Variants in LRRC8E observed in about 807,000 individuals in gnomAD.
LRRC8E encodes the protein volume-regulated anion channel subunit LRRC8E.
Under a neutral mutation model 6.1 loss-of-function variants are expected in LRRC8E, and 6 were observed. The ratio of observed to expected loss-of-function variants is 0.98; its 90% CI spans 0.54 to 1.93. The LOEUF is 1.93. Among genes scored for constraint, LRRC8E ranks in the 30% most tolerant of loss-of-function variants. LRRC8E has a pLI of 0.01. For missense variants in LRRC8E, 1,028 were observed against 1,031.4 expected (o/e 1.00, Z 0.04); for synonymous variants, 485 against 472.8 (o/e 1.03, Z -0.33).
intron 2 of LRRC8E, among the ~76,000 whole-genome samples, chr19:7,898,243 G>A (rs972523558): frequency 6.6e-6 from 1 of 150,818 alleles, no homozygotes; most frequent in Non-Finnish European, 1.5e-5. Flanking sequence ...AGTGCTTAGA[G>A]GTTTAGCAAA....
At position 7,901,786 on chromosome 19, in the gene LRRC8E, A is replaced by G. The variant is rs758184711; in HGVS notation, c.*873A>G. ...TTTGAGGTCCTAGACCCTTTGAGAA[A>G]CTGATGAAGCCAGGCACCTCCTTCC... On this transcript the variant is annotated 3_prime_UTR_variant, in exon 3 of 3. Transcript: ENST00000306708. The G allele has an allele frequency of 6.6e-5, 10 of 151,110 alleles. No homozygotes were observed. The highest frequency in any genetic ancestry group is 1.3e-4 in the Non-Finnish European group (9 of 67,998). 9.4% of individuals were successfully genotyped at this position (151,110 alleles called of 1,614,324 possible).
rs550236161 is a variant in LRRC8E, at chr19:7,899,281, C to T, written c.759C>T (p.Thr253=). ...MHVEEGDILY[T]MYIRQTVLKV... is the part of the protein sequence containing the mutation. Reference sequence around the variant, plus strand: ...TGGAAGAGGGCGACATCCTGTACACCATGTACATCCGACAGACGGTGCTGA... The same window carrying T: ...TGGAAGAGGGCGACATCCTGTACACTATGTACATCCGACAGACGGTGCTGA... Residue 253 remains threonine, a synonymous_variant, in exon 3 of 3, where the codon ACC becomes ACT. Transcript: ENST00000306708. 4 of 1,614,200 alleles carry T rather than the reference C, an allele frequency of 2.5e-6. No homozygotes were observed. The highest frequency in any genetic ancestry group is 1.1e-5 in the South Asian group (1 of 91,088).
chr19:7,898,417 T>C (rs971129108), intron 2 of LRRC8E, among the ~76,000 whole-genome samples: 1 of 151,858 alleles, frequency 6.6e-6, no homozygotes, highest in Non-Finnish European at 1.5e-5. Flanking sequence ...TGGAGTACAA[T>C]GGCGCGATCT....
rs761641520 is a variant in LRRC8E, at chr19:7,899,734, C to T, written c.1212C>T (p.Pro404=). ...KQLNLNHEWT[P]EKLRQKLQRN... is the part of the protein sequence containing the mutation. Reference sequence around the variant, plus strand: ...TCAATCTCAACCACGAGTGGACGCCCGAGAAGCTTCGACAGAAGCTGCAGC... The same window carrying T: ...TCAATCTCAACCACGAGTGGACGCCTGAGAAGCTTCGACAGAAGCTGCAGC... The change falls in exon 3 of 3, where the codon CCC becomes CCT. Residue 404 remains proline, a synonymous_variant. Transcript: ENST00000306708. The T allele has an allele frequency of 7.4e-6, 12 of 1,612,412 alleles. No individual in the cohort carries two copies. Among genetic ancestry groups the T allele is most frequent in the Admixed American group, 1.7e-5 (1 of 60,022 alleles).
intron 2 of LRRC8E, among the ~76,000 whole-genome samples, chr19:7,898,459 A>C: frequency 6.6e-6 from 1 of 152,022 alleles, no homozygotes; most frequent in African/African-American, 2.4e-5. Flanking sequence ...TTCCGGGTTC[A>C]AGCGATTCTC....
rs1982025486 is a variant in LRRC8E at position 7,901,680 on chromosome 19, C to T, written c.*767C>T. On this transcript the variant is annotated 3_prime_UTR_variant, in exon 3 of 3. Transcript: ENST00000306708. ...ATGGTTGAGCTCAGGAGTTCGAGAT[C>T]AGCCTGGGTAACATAGCGAGACCCC... 1 of 149,938 alleles carries T rather than the reference C, an allele frequency of 6.7e-6. No homozygotes were observed. The highest frequency in any genetic ancestry group is 1.5e-5 in the Non-Finnish European group (1 of 67,820). The allele number at this position is 149,938 out of a possible 1,614,324, so 9.3% of individuals were successfully genotyped here. A position where few individuals can be genotyped will look rare whatever the true frequency, so the allele number is the denominator to read the frequency against.
chr19:7,900,727 C>A lies in LRRC8E; in HGVS notation c.2205C>A (p.Ser735Arg). Residue 735 changes from serine to arginine, a missense_variant, in exon 3 of 3, where the codon AGC becomes AGA. Coordinates refer to ENST00000306708, the MANE Select transcript of LRRC8E (RefSeq NM_025061.6). This position sits in a 1 kb window ranked among gnomAD's most constrained non-coding sequence, Gnocchi z 5.0. Reference sequence around the variant, plus strand: ...TGCTTCTGGGCGACAACCAGCTGAGCCAGCTCTCGCCCCACGTGGGTGCCC... The same window carrying A: ...TGCTTCTGGGCGACAACCAGCTGAGACAGCTCTCGCCCCACGTGGGTGCCC... ...RTLLLGDNQL[S>R]QLSPHVGALR... 1 of 1,613,030 alleles carries A rather than the reference C, an allele frequency of 6.2e-7. No individual in the cohort carries two copies. Among genetic ancestry groups the A allele is most frequent in the Non-Finnish European group, 8.5e-7 (1 of 1,179,834 alleles).
In LRRC8E at chr19:7,899,504, A is replaced by G; in HGVS notation, c.982A>G (p.Ile328Val). The G allele has an allele frequency of 6.2e-7, 1 of 1,614,074 alleles. No individual in the cohort carries two copies. Among genetic ancestry groups the G allele is most frequent in the Middle Eastern group, 1.7e-4 (1 of 6,060 alleles). ...TGTGTGCATCTACGGACTTACCTGC[A>G]TCTACACGCTCTACTGGCTCTTCCA... ...SFVCIYGLTC[I>V]YTLYWLFHRP... The change falls in exon 3 of 3, where the codon ATC becomes GTC. Residue 328 changes from isoleucine to valine, a missense_variant. By Grantham distance (29) the Ile-to-Val change is conservative (BLOSUM62 3). Transcript: ENST00000306708.
In LRRC8E at chr19:7,899,872, C is replaced by T. The variant is rs928715375; in HGVS notation, c.1350C>T (p.Ile450=). 2 of 1,606,630 alleles carry T rather than the reference C, an allele frequency of 1.2e-6. No individual in the cohort carries two copies. The highest frequency in any genetic ancestry group is 1.7e-6 in the Non-Finnish European group (2 of 1,179,978). The change falls in exon 3 of 3, where the codon ATC becomes ATT. Residue 450 remains isoleucine (I), a synonymous_variant. Coordinates refer to ENST00000306708, the MANE Select transcript of LRRC8E (RefSeq NM_025061.6). ...ESLRLEAICD[I]TFPPGLSQLV... Reference sequence around the variant, plus strand: ...TCAGGCTGGAGGCCATCTGCGATATCACCTTCCCCCCGGGGCTGTCACAGC... The same window carrying T: ...TCAGGCTGGAGGCCATCTGCGATATTACCTTCCCCCCGGGGCTGTCACAGC...
rs570219837 is a variant in LRRC8E at position 7,895,936 on chromosome 19, CAT to C, written c.138+198_138+199del. 1.4e-4 allele frequency among the ~76,000 whole-genome samples: 21 copies of C among 152,206 alleles called. No individual in the cohort carries two copies. The East Asian group carries it at 3.3e-3, about 24-fold the overall frequency. Reference sequence around the variant, plus strand: ...GAGTCCCCACATTGCTATGCCATTCCATATCTTTTTTTCTTTTTTGAGACGGA... The same window carrying C: ...GAGTCCCCACATTGCTATGCCATTCCATCTTTTTTTCTTTTTTGAGACGGA... On this transcript the variant is annotated intron_variant, in intron 2 of 2. Coordinates refer to ENST00000306708, the MANE Select transcript of LRRC8E (RefSeq NM_025061.6). This position sits in a 1 kb window ranked among gnomAD's most constrained non-coding sequence, Gnocchi z 4.7.
chr19:7,895,421 T>G lies in LRRC8E; in HGVS notation c.-5-178T>G. 1.4e-6 allele frequency: 1 copy of G among 700,610 alleles called. No individual in the cohort carries two copies. Among genetic ancestry groups the G allele is most frequent in the Non-Finnish European group, 2.4e-6 (1 of 419,324 alleles). The allele number at this position is 700,610 out of a possible 1,614,324, so 43.4% of individuals were successfully genotyped here. A position where few individuals can be genotyped will look rare whatever the true frequency, so the allele number is the denominator to read the frequency against. ...TTCTGGGCAGGTGGTGACGTCTGCA[T>G]GGAGGGTGACTAAGGCCAGGCTAAG... is the stretch of plus-strand genomic sequence containing the variant. On this transcript the variant is annotated intron_variant, in intron 1 of 2. Coordinates refer to ENST00000306708, the MANE Select transcript of LRRC8E (RefSeq NM_025061.6). The surrounding 1 kb of genome is among the most constrained non-coding windows in gnomAD (Gnocchi z 4.7).
chr19:7,890,174 T>C (rs10426171), intron 1 of LRRC8E, among the ~76,000 whole-genome samples: 74,491 of 151,890 alleles, frequency 0.49, 18,461 homozygotes, highest in East Asian at 0.58. Context: ...GTGGAGGGTC[T>C]CACTCTCCCA....
intron 2 of LRRC8E, among the ~76,000 whole-genome samples, chr19:7,897,815 G>A (rs775291238): frequency 1.3e-5 from 2 of 151,988 alleles, no homozygotes; most frequent in South Asian, 2.1e-4. Flanking sequence ...AACAGGAGCC[G>A]CCTGACCCAG....
chr19:7,889,753 TC>T (rs370562168), intron 1 of LRRC8E, among the ~76,000 whole-genome samples: 21,292 of 88,446 alleles, frequency 0.24, 1,975 homozygotes, highest in Non-Finnish European at 0.32. Flanking sequence ...TCTCTCTCTC[TC>T]TTTTTTTTTT....
chr19:7,900,746 G>A lies in LRRC8E; in HGVS notation c.2224G>A (p.Gly742Ser). The change falls in exon 3 of 3, where the codon GGT becomes AGT. Residue 742 changes from glycine to serine, a missense_variant. Gly to Ser is a moderately conservative substitution (Grantham distance 56). Transcript: ENST00000306708. This position sits in a 1 kb window ranked among gnomAD's most constrained non-coding sequence, Gnocchi z 5.0. Reference protein sequence around the residue: ...NQLSQLSPHVGALRALSRLEL... With the variant: ...NQLSQLSPHVSALRALSRLEL... ...GCTGAGCCAGCTCTCGCCCCACGTGGGTGCCCTCAGAGCCCTCAGCCGCCT... is the reference window on the plus strand; with the variant it reads ...GCTGAGCCAGCTCTCGCCCCACGTGAGTGCCCTCAGAGCCCTCAGCCGCCT... 1 of 1,612,622 alleles carries A rather than the reference G, an allele frequency of 6.2e-7. No homozygotes were observed. The highest frequency in any genetic ancestry group is 8.5e-7 in the Non-Finnish European group (1 of 1,179,596).
In LRRC8E at chr19:7,895,757, G is replaced by C; in HGVS notation, c.138+16G>C. The C allele has an allele frequency of 6.2e-7, 1 of 1,609,968 alleles. No individual in the cohort carries two copies. The highest frequency in any genetic ancestry group is 1.1e-5 in the South Asian group (1 of 91,006). ...CACCCTCCAGGTGAGGCCCTCCCCT[G>C]GCAAGGGGGTGTGACCAGAGGGGCG... On this transcript the variant is annotated intron_variant, in intron 2 of 2. Coordinates refer to ENST00000306708, the MANE Select transcript of LRRC8E (RefSeq NM_025061.6). The surrounding 1 kb of genome is among the most constrained non-coding windows in gnomAD (Gnocchi z 4.7).
intron 1 of LRRC8E, among the ~76,000 whole-genome samples, chr19:7,890,661 C>T (rs1168889382): frequency 2.6e-5 from 4 of 151,792 alleles, no homozygotes; most frequent in Non-Finnish European, 5.9e-5. Context: ...AGGTGGCGGG[C>T]GCCTGTAGTC....
intron 1 of LRRC8E, among the ~76,000 whole-genome samples, chr19:7,891,539 G>A (rs1039502953): frequency 6.2e-5 from 8 of 128,358 alleles, no homozygotes. Flanking sequence ...GTGTGTGTGT[G>A]TGTGTGTTTG....
rs766224370 is a variant in LRRC8E at position 7,900,234 on chromosome 19, G to A, written c.1712G>A (p.Arg571His). Residue 571 changes from arginine (R) to histidine (H), a missense_variant, in exon 3 of 3, where the codon CGT becomes CAT. Coordinates refer to ENST00000306708, the MANE Select transcript of LRRC8E (RefSeq NM_025061.6). This position sits in a 1 kb window ranked among gnomAD's most constrained non-coding sequence, Gnocchi z 5.0. ...CTCAGCCTGCACAACGATGGGGCCC[G>A]TCTGGTTGCCCTGAACAGCCTCAAG... ...QRLSLHNDGA[R>H]LVALNSLKKL... The A allele has an allele frequency of 2.1e-5, 34 of 1,613,120 alleles. No individual in the cohort carries two copies. Among genetic ancestry groups the A allele is most frequent in the South Asian group, 5.5e-5 (5 of 91,076 alleles).
Sources: gnomAD v4.1 joint callset for allele counts (sites outside exome capture counted in the v4.1 genomes callset) on GRCh38, gnomAD v4.1.1 for gene constraint, Gnocchi (gnomAD v3.1) non-coding constraint, MANE v1.5 for transcripts, NCBI Gene and HGNC (gene_info 2026-07-23, HGNC 2026-07-21) for gene names.